The following UTP4 variants were observed in gnomAD, a reference collection of about 807,000 sequenced individuals.
UTP4 encodes the protein UTP4 small subunit processome component.
Under a neutral mutation model 82.4 loss-of-function variants are expected in UTP4, and 45 were observed. The ratio of observed to expected loss-of-function variants is 0.55; its 90% confidence interval spans 0.43 to 0.70. The LOEUF (loss-of-function observed/expected upper bound fraction) is 0.70, where lower values mean the gene tolerates loss of function less well. Ranked by LOEUF, UTP4 falls within the 30% of genes least tolerant of loss-of-function variation. UTP4 has a pLI of 0.00. For missense variants in UTP4, 819 were observed against 858.3 expected (o/e 0.95, Z 0.57); for synonymous variants, 348 against 300.3 (o/e 1.16, Z -1.64).
chr16:69,133,720 T>C, intron 2 of UTP4, 102 bp downstream of exon 2: 1 of 1,245,398 alleles, frequency 8.0e-7, no homozygotes. Context: ...AGTGACTTCC[T>C]AGCCCCTCTG....
At chr16:69,141,569 T>A (rs1231637493) in intron 5 of UTP4, among the ~76,000 whole-genome samples, 2 of 152,204 alleles carry the variant, frequency 1.3e-5, no homozygotes, top group Non-Finnish European at 2.9e-5. Context: ...TGTGGATCAA[T>A]TAATTGTTCT....
At position 69,152,088 on chromosome 16, in the gene UTP4, A is replaced by T. The variant is rs1038091504; in HGVS notation, c.1002+1184A>T. On this transcript the variant is annotated intron_variant, in intron 8 of 16. Transcript: ENST00000314423. Reference sequence around the variant, plus strand: ...TAAAAATCATACATATTTAATGCATATGGTTTGATGAGGTTGAACATAGTC... The same window carrying T: ...TAAAAATCATACATATTTAATGCATTTGGTTTGATGAGGTTGAACATAGTC... Among the ~76,000 whole-genome samples, 6 of 151,278 alleles carry T rather than the reference A, an allele frequency of 4.0e-5. 1 individual carries two copies. The highest frequency in any genetic ancestry group is 8.8e-5 in the Non-Finnish European group (6 of 67,926).
intron 8 of UTP4, among the ~76,000 whole-genome samples, chr16:69,152,731 C>G (rs974767053): frequency 6.6e-6 from 1 of 152,082 alleles, no homozygotes; most frequent in East Asian, 1.9e-4. Context: ...CCTTGGCCTC[C>G]CAAAGTGCTG....
intron 12 of UTP4, 140 bp from the exon 13 acceptor site, chr16:69,160,216 A>C: frequency 1.3e-6 from 1 of 768,580 alleles, no homozygotes; most frequent in South Asian, 1.4e-5. Flanking sequence ...ATCTAGAAGT[A>C]ATTTGCACAG....
In UTP4 at chr16:69,136,713, G is replaced by A. The variant is rs749985287; in HGVS notation, c.177G>A (p.Glu59=). The change falls in exon 3 of 17, where the codon GAG becomes GAA. Residue 59 remains glutamate, a synonymous_variant. Coordinates refer to ENST00000314423, the MANE Select transcript of UTP4 (RefSeq NM_032830.3). ...TTCTGCAGTTTTTCCCAGGTCATGA[G>A]TCTCGGGCTACAGAAGCTTTGTGCT... is the stretch of plus-strand genomic sequence containing the variant. ...YFQEKFFPGH[E]SRATEALCWA... 2 of 1,614,040 alleles carry A rather than the reference G, an allele frequency of 1.2e-6. No individual in the cohort carries two copies. Among genetic ancestry groups the A allele is most frequent in the Non-Finnish European group, 1.7e-6 (2 of 1,179,908 alleles).
rs754461093 is a variant in UTP4, at chr16:69,163,124, T to A, written c.1593T>A (p.Ala531=). The A allele has an allele frequency of 1.1e-5, 18 of 1,614,058 alleles. No homozygotes were observed. Among genetic ancestry groups the A allele is most frequent in the Non-Finnish European group, 1.5e-5 (18 of 1,180,030 alleles). ...TVPAYNFPVT[A]MAIAPNTNNL... ...CTGCTTACAATTTCCCAGTGACTGCTATGGCTATTGCCCCCAATACCAACA... is the reference window on the plus strand; with the variant it reads ...CTGCTTACAATTTCCCAGTGACTGCAATGGCTATTGCCCCCAATACCAACA... The change falls in exon 14 of 17, where the codon GCT becomes GCA. Residue 531 remains alanine (A), a synonymous_variant. Coordinates refer to ENST00000314423, the MANE Select transcript of UTP4 (RefSeq NM_032830.3).
At chr16:69,140,465 C>T (rs1025587339) in intron 5 of UTP4, among the ~76,000 whole-genome samples, 22 of 152,268 alleles carry the variant, frequency 1.4e-4, no homozygotes, top group African/African-American at 5.1e-4. Context: ...CCTGTAATCC[C>T]AGCACTTTGG....
Position 69,133,463 on chromosome 16 carries a change from G to A in UTP4, c.4G>A (p.Gly2Ser), listed in dbSNP as rs1272311599. The A allele has an allele frequency of 6.2e-7, 1 of 1,614,084 alleles. No homozygotes were observed. The highest frequency in any genetic ancestry group is 1.7e-5 in the Admixed American group (1 of 60,008). MGEFKVHRVRFF... is the reference protein window; with the variant it reads MSEFKVHRVRFF... ...ACTCTCTTTTCGCCCCCTAGGAATG[G>A]GTGAATTTAAGGTCCATCGAGTACG... Residue 2 changes from glycine to serine, a missense_variant, in exon 2 of 17, where the codon GGT (glycine) becomes AGT (serine). Physicochemically the swap from Gly to Ser is moderately conservative, Grantham distance 56. Transcript: ENST00000314423.
In UTP4 at chr16:69,168,847, T is replaced by C. The variant is rs1963769635; in HGVS notation, c.1971T>C (p.Asp657=). 1 of 1,613,210 alleles carries C rather than the reference T, an allele frequency of 6.2e-7. No individual in the cohort carries two copies. Among genetic ancestry groups the C allele is most frequent in the African/African-American group, 1.3e-5 (1 of 74,898 alleles). ...YKPLLFMDLL[D]ERTLVAVERP... ...CTCTACTCTTCATGGATCTTTTGGATGAAAGAACACTCGTGGCAGTAGAAC... is the reference window on the plus strand; with the variant it reads ...CTCTACTCTTCATGGATCTTTTGGACGAAAGAACACTCGTGGCAGTAGAAC... Residue 657 remains aspartate (D), a synonymous_variant, in exon 17 of 17, where the codon GAT becomes GAC. Transcript: ENST00000314423.
At chr16:69,135,989 A>G (rs774480067) in intron 2 of UTP4, among the ~76,000 whole-genome samples, 13 of 152,324 alleles carry the variant, frequency 8.5e-5, no homozygotes, top group Middle Eastern at 3.4e-3. Flanking sequence ...AGATGGCGCC[A>G]TTGCACTGCA....
chr16:69,155,075 AT>A (rs937634921), intron 10 of UTP4, among the ~76,000 whole-genome samples: 4 of 152,206 alleles, frequency 2.6e-5, no homozygotes, highest in Admixed American at 2.0e-4. Context: ...TGAAAAAAAA[AT>A]CATTTTGTGA....
Position 69,143,189 on chromosome 16 carries a change from C to G in UTP4, c.538C>G (p.His180Asp). The change falls in exon 6 of 17, where the codon CAT becomes GAT. Residue 180 changes from histidine to aspartate, a missense_variant. By Grantham distance (81) the His-to-Asp change is moderately conservative. Transcript: ENST00000314423. ...TTCTGATTTTTCAGGCAGCGCTGTTCATAAGATGATTGTGGACAGGCAGTA... is the reference window on the plus strand; with the variant it reads ...TTCTGATTTTTCAGGCAGCGCTGTTGATAAGATGATTGTGGACAGGCAGTA... ...VFDVKSGSAV[H>D]KMIVDRQYMG... 2.5e-6 allele frequency: 4 copies of G among 1,614,196 alleles called. No individual in the cohort carries two copies. Among genetic ancestry groups the G allele is most frequent in the Non-Finnish European group, 3.4e-6 (4 of 1,179,992 alleles).
At chr16:69,168,492 A>G (rs1052582663) in intron 16 of UTP4, among the ~76,000 whole-genome samples, 2 of 150,398 alleles carry the variant, frequency 1.3e-5, no homozygotes. Context: ...AGCCGTGCAC[A>G]CCTACCTATT....
At chr16:69,154,852 C>G (rs925989031) in intron 10 of UTP4, among the ~76,000 whole-genome samples, 7 of 152,136 alleles carry the variant, frequency 4.6e-5, no homozygotes, top group East Asian at 1.9e-4. Context: ...CTTTAGCCCC[C>G]CAAGTAGCTG....
intron 8 of UTP4, among the ~76,000 whole-genome samples, chr16:69,151,465 G>T (rs956777993): frequency 6.6e-6 from 1 of 151,860 alleles, no homozygotes; most frequent in African/African-American, 2.4e-5. Flanking sequence ...GGGACTACAG[G>T]TGCCCACCAC....
rs1188025033 is a variant in UTP4 at position 69,153,586 on chromosome 16, A to G, written c.1005A>G (p.Arg335=). 6.2e-7 allele frequency: 1 copy of G among 1,611,534 alleles called. No individual in the cohort carries two copies. The highest frequency in any genetic ancestry group is 8.5e-7 in the Non-Finnish European group (1 of 1,178,232). Residue 335 remains arginine (R), a splice_region_variant and synonymous_variant, in exon 9 of 17, where the codon CGA becomes CGG. Coordinates refer to ENST00000314423, the MANE Select transcript of UTP4 (RefSeq NM_032830.3). ...AACTTCTTGATTCTTGGATATAGCG[A>G]TGTCTCATCTCCTGTTCTAAAAAGA... is the stretch of plus-strand genomic sequence containing the variant. ...AALRKITFPH[R]CLISCSKKRQ...
intron 16 of UTP4, among the ~76,000 whole-genome samples, chr16:69,168,387 G>C (rs1469588484): frequency 1.4e-5 from 2 of 138,502 alleles, no homozygotes; most frequent in Non-Finnish European, 3.0e-5. Context: ...CGTGAGCCGA[G>C]ATTGCGCCAC....
chr16:69,141,638 T>G (rs1465411119), intron 5 of UTP4, among the ~76,000 whole-genome samples: 1 of 152,076 alleles, frequency 6.6e-6, no homozygotes, highest in Non-Finnish European at 1.5e-5. Context: ...GGGGGGAAAT[T>G]CTTTTACTCT....
At chr16:69,141,825 T>TTTTTA (rs551715670) in intron 5 of UTP4, among the ~76,000 whole-genome samples, 5 of 151,374 alleles carry the variant, frequency 3.3e-5, no homozygotes, top group Non-Finnish European at 5.9e-5. Context: ...TCTCTTTCTT[T>TTTTTA]TTTTATTTTA....
Sources: gnomAD v4.1 joint callset for allele counts (sites outside exome capture counted in the v4.1 genomes callset) on GRCh38, gnomAD v4.1.1 for gene constraint, MANE v1.5 for transcripts, NCBI Gene and HGNC (gene_info 2026-07-23, HGNC 2026-07-21) for gene names.